The following ATP2B3 variants were observed in gnomAD, a reference collection of about 807,000 sequenced individuals.
The protein encoded by ATP2B3 is ATPase plasma membrane Ca2+ transporting 3, also known as plasma membrane calcium-transporting ATPase 3.
In ATP2B3, 12 loss-of-function variants were observed where a neutral mutation model predicts 70.8. That is an observed-to-expected ratio of 0.17 (90% CI 0.11 to 0.27). The LOEUF (loss-of-function observed/expected upper bound fraction) is 0.27, where lower values mean the gene tolerates loss of function less well. ATP2B3 is among the 10% of genes least tolerant of loss of function. The probability of loss-of-function intolerance (pLI) is 1.00; values close to 1 mark genes in which losing one functional copy is unlikely to be tolerated. For missense variants in ATP2B3, 858 were observed against 1,118.5 expected (o/e 0.77, Z 3.32); for synonymous variants, 460 against 497.8 (o/e 0.92, Z 1.01).
Position 153,517,827 on chromosome X carries a change from C to G in ATP2B3, c.-295C>G, listed in dbSNP as rs1375435847. On this transcript the variant is annotated 5_prime_UTR_variant, in exon 1 of 22. Coordinates refer to ENST00000263519, the MANE Select transcript of ATP2B3 (RefSeq NM_001001344.3). Reference sequence around the variant, plus strand: ...CCCGCCTGACGCCCGCCCGCAGCGACAGCGCCCGCCGGAGCCGAGGCCGCG... The same window carrying G: ...CCCGCCTGACGCCCGCCCGCAGCGAGAGCGCCCGCCGGAGCCGAGGCCGCG... The G allele has an allele frequency of 3.6e-4, 39 of 109,617 alleles. No homozygotes were observed. The highest frequency in any genetic ancestry group is 9.4e-4 in the African/African-American group (29 of 30,702). The allele number at this position is 109,617 out of a possible 1,213,427, so 9.0% of individuals were successfully genotyped here. A position where few individuals can be genotyped will look rare whatever the true frequency, so the allele number is the denominator to read the frequency against.
At chrX:153,545,858 T>G (rs1312215338) in intron 7 of ATP2B3, among the ~76,000 whole-genome samples, 1 of 111,759 alleles carries the variant, frequency 8.9e-6, no homozygotes, top group African/African-American at 3.3e-5. Flanking sequence ...AGGGGTTCAC[T>G]GTAGGGCTGA....
At chrX:153,540,837 T>A (rs2124404476) in intron 3 of ATP2B3, among the ~76,000 whole-genome samples, 1 of 112,418 alleles carries the variant, frequency 8.9e-6, no homozygotes, top group South Asian at 3.7e-4. Flanking sequence ...CCTCCCCTGA[T>A]TGGTGGCCCT....
intron 16 of ATP2B3, among the ~76,000 whole-genome samples, chrX:153,557,284 G>T (rs2090553374): frequency 8.9e-6 from 1 of 111,974 alleles, no homozygotes; most frequent in African/African-American, 3.3e-5. Flanking sequence ...GGAATGGGGG[G>T]TGGGGGCTCA....
chrX:153,542,284 G>C, intron 5 of ATP2B3, 39 bp from the exon 6 acceptor site: 2 of 1,208,034 alleles, frequency 1.7e-6, no homozygotes, highest in Non-Finnish European at 2.2e-6. Flanking sequence ...GCCGGGAGGA[G>C]GCGGTGGGGA....
At chrX:153,558,061 G>A (rs370573162) in intron 16 of ATP2B3, 51 bp from the exon 17 acceptor site, 21 of 1,135,596 alleles carry the variant, frequency 1.8e-5, no homozygotes, top group Non-Finnish European at 2.2e-5. Context: ...GGGGGGCTGG[G>A]GAAGGGGCCC....
chrX:153,562,019 G>A (rs2090633034), intron 19 of ATP2B3, 116 bp from the exon 20 acceptor site: 3 of 632,313 alleles, frequency 4.7e-6, no homozygotes, highest in Admixed American at 4.5e-5. Context: ...CTCGCAAGGA[G>A]CAGCCCGTGC....
Position 153,558,114 on chromosome X carries a change from C to A in ATP2B3, c.2436C>A (p.Gly812=), listed in dbSNP as rs782124014. The change falls in exon 17 of 22, where the codon GGC becomes GGA. Residue 812 remains glycine, a splice_region_variant and synonymous_variant. Transcript: ENST00000263519. ...LKKADVGFAM[G]IAGTDVAKEA... ...GAGTGTGTGTGTCACCCCCCCAGGG[C>A]ATCGCAGGGACCGACGTGGCCAAGG... 1 of 1,207,299 alleles carries A rather than the reference C, an allele frequency of 8.3e-7. No individual in the cohort carries two copies.
intron 21 of ATP2B3, chrX:153,569,163 A>G (rs935484139): frequency 5.4e-6 from 2 of 367,901 alleles, no homozygotes; most frequent in South Asian, 5.0e-5. Context: ...GGAGACGGGC[A>G]GGCGGATGGA....
chrX:153,578,772 G>C (rs142772308), intron 21 of ATP2B3, among the ~76,000 whole-genome samples: 1,495 of 112,223 alleles, frequency 0.013, 21 homozygotes, highest in African/African-American at 0.045. Flanking sequence ...CGGAGCCCGG[G>C]AGGCAGCAGA....
At position 153,580,258 on chromosome X, in the gene ATP2B3, G is replaced by C. The variant is rs781999260; in HGVS notation, c.3623G>C (p.Ser1208Thr). 1.5e-5 allele frequency: 18 copies of C among 1,205,524 alleles called. No individual in the cohort carries two copies. Among genetic ancestry groups the C allele is most frequent in the Non-Finnish European group, 1.9e-5 (17 of 893,770 alleles). ...GCTACCTCTTCAGTGTTTTCCTCCA[G>C]TCCCGGGAGCCCGCTCCACAGCGTG... ...KSATSSVFSSSPGSPLHSVET... is the reference protein window; with the variant it reads ...KSATSSVFSSTPGSPLHSVET... Residue 1208 changes from serine to threonine, a missense_variant, in exon 22 of 22, where the codon AGT becomes ACT. Ser to Thr is a moderately conservative substitution (Grantham distance 58, BLOSUM62 1). This residue lies in a region of ATP2B3 where 265 missense variants were observed against 305.3 expected (regional missense o/e 0.87). Coordinates refer to ENST00000263519, the MANE Select transcript of ATP2B3 (RefSeq NM_001001344.3).
chrX:153,544,875 C>G (rs782041838), intron 7 of ATP2B3, among the ~76,000 whole-genome samples: 1 of 112,709 alleles, frequency 8.9e-6, no homozygotes, highest in African/African-American at 3.2e-5. Context: ...CCAGAGGCCT[C>G]CCAGGGCCTG....
At chrX:153,572,144 G>C (rs1557020108) in intron 21 of ATP2B3, among the ~76,000 whole-genome samples, 1 of 113,019 alleles carries the variant, frequency 8.8e-6, no homozygotes, top group Non-Finnish European at 1.9e-5. Context: ...CTGGCAGAGT[G>C]GGGACTAGCA....
rs368748951 is a variant in ATP2B3 at position 153,550,033 on chromosome X, G to A, written c.1582-12G>A. On this transcript the variant is annotated splice_polypyrimidine_tract_variant and intron_variant, in intron 11 of 21. Coordinates refer to ENST00000263519, the MANE Select transcript of ATP2B3 (RefSeq NM_001001344.3). Reference sequence around the variant, plus strand: ...AGGCCCCCAGTGCCTGCTAGCCCTCGTCATCTTGCAGCCTCCTGAGAAGGA... The same window carrying A: ...AGGCCCCCAGTGCCTGCTAGCCCTCATCATCTTGCAGCCTCCTGAGAAGGA... 4.7e-5 allele frequency: 57 copies of A among 1,205,423 alleles called. No individual in the cohort carries two copies. In the African/African-American group the frequency reaches 8.0e-4, roughly 17 times the overall value.
In ATP2B3 at chrX:153,542,402, T is replaced by C; in HGVS notation, c.744T>C (p.Ser248=). The C allele has an allele frequency of 8.3e-7, 1 of 1,211,812 alleles. No homozygotes were observed. The highest frequency in any genetic ancestry group is 1.1e-6 in the Non-Finnish European group (1 of 895,544). ...KIDESSLTGE[S]DHVRKSADKD... Reference sequence around the variant, plus strand: ...ACGAGAGCTCCCTGACGGGCGAGTCTGACCACGTGCGCAAGTCAGCTGACA... The same window carrying C: ...ACGAGAGCTCCCTGACGGGCGAGTCCGACCACGTGCGCAAGTCAGCTGACA... Residue 248 remains serine, a synonymous_variant, in exon 6 of 22, where the codon TCT becomes TCC. Transcript: ENST00000263519.
chrX:153,562,887 C>G (rs1305634031), intron 20 of ATP2B3, among the ~76,000 whole-genome samples: 2 of 112,417 alleles, frequency 1.8e-5, no homozygotes, highest in East Asian at 2.8e-4. Flanking sequence ...GGGGCCAGTT[C>G]CTGGTGAGGG....
chrX:153,574,795 G>C (rs1557020852), intron 21 of ATP2B3: 3 of 329,171 alleles, frequency 9.1e-6, no homozygotes, highest in African/African-American at 2.7e-5. Context: ...CATGCACATG[G>C]CGGGCACCTC....
chrX:153,568,572 C>T (rs1234031625), intron 21 of ATP2B3, among the ~76,000 whole-genome samples: 7 of 111,985 alleles, frequency 6.3e-5, no homozygotes, highest in Admixed American at 1.9e-4. Context: ...GCATTCCTCA[C>T]GGTCGCAGCA....
At chrX:153,547,025 G>A (rs1348917845) in intron 8 of ATP2B3, among the ~76,000 whole-genome samples, 4 of 112,240 alleles carry the variant, frequency 3.6e-5, no homozygotes, top group Non-Finnish European at 5.6e-5. Flanking sequence ...AGGTGATGGC[G>A]GTAGTGCCAA....
intron 9 of ATP2B3, among the ~76,000 whole-genome samples, chrX:153,548,222 G>A (rs1569534447): frequency 8.9e-6 from 1 of 112,669 alleles, no homozygotes; most frequent in East Asian, 2.8e-4. Context: ...CGAAAGCCCG[G>A]GTCACACACT....
Sources: gnomAD v4.1 joint callset for allele counts (sites outside exome capture counted in the v4.1 genomes callset) on GRCh38, gnomAD v4.1.1 for gene constraint, gnomAD v4.1.1 regional missense constraint, MANE v1.5 for transcripts, NCBI Gene and HGNC (gene_info 2026-07-23, HGNC 2026-07-21) for gene names.